SLC2A13: variants seen among roughly 807,000 people sequenced by gnomAD.
SLC2A13 encodes the protein solute carrier family 2 member 13.
A neutral mutation model predicts 64.4 loss-of-function variants in SLC2A13; 32 were observed. The observed-to-expected ratio is 0.50, with a 90% CI of 0.37 to 0.67. The LOEUF (loss-of-function observed/expected upper bound fraction) is 0.67, where lower values mean the gene tolerates loss of function less well. Among genes scored for constraint, SLC2A13 ranks in the 30% least tolerant of loss-of-function variants. The probability of loss-of-function intolerance (pLI) is 0.00; values close to 1 mark genes in which losing one functional copy is unlikely to be tolerated. For missense variants in SLC2A13, 743 were observed against 829.2 expected (o/e 0.90, Z 1.28); for synonymous variants, 338 against 327.1 (o/e 1.03, Z -0.36).
At chr12:39,977,506 T>C (rs1383102832) in intron 3 of SLC2A13, among the ~76,000 whole-genome samples, 3 of 152,226 alleles carry the variant, frequency 2.0e-5, no homozygotes, top group African/African-American at 7.2e-5. Flanking sequence ...TCTCATTACA[T>C]CAAGAACGGT....
chr12:40,105,391 C>G lies in SLC2A13; in HGVS notation c.418G>C (p.Ala140Pro). The change falls in exon 1 of 10, where the codon GCC (alanine) becomes CCC (proline). Residue 140 changes from alanine (A) to proline (P), a missense_variant. By Grantham distance (27) the Ala-to-Pro change is conservative (BLOSUM62 -1). Coordinates refer to ENST00000280871, the MANE Select transcript of SLC2A13 (RefSeq NM_052885.4). This position sits in a 1 kb window ranked among gnomAD's most constrained non-coding sequence, Gnocchi z 4.2. ...CGGCGGCCGAAGACGCCGTTGAGGGCGCCTCCGGCCAGCGCCGAGACGGCA... is the reference window on the plus strand; with the variant it reads ...CGGCGGCCGAAGACGCCGTTGAGGGGGCCTCCGGCCAGCGCCGAGACGGCA... ...AAAVSALAGG[A>P]LNGVFGRRAA... is the part of the protein sequence containing the mutation. 1 of 1,558,268 alleles carries G rather than the reference C, an allele frequency of 6.4e-7. No individual in the cohort carries two copies. Among genetic ancestry groups the G allele is most frequent in the Non-Finnish European group, 8.7e-7 (1 of 1,152,544 alleles).
chr12:39,840,633 C>A (rs1385177759), intron 6 of SLC2A13, among the ~76,000 whole-genome samples: 1 of 151,956 alleles, frequency 6.6e-6, no homozygotes, highest in Non-Finnish European at 1.5e-5. Flanking sequence ...TCCTTTGCTT[C>A]AAGACTCATG....
chr12:39,858,692 C>T (rs571549047), intron 6 of SLC2A13, among the ~76,000 whole-genome samples: 1 of 152,202 alleles, frequency 6.6e-6, no homozygotes, highest in South Asian at 2.1e-4. Flanking sequence ...CTGCAACCTC[C>T]GCCTCCCAGG....
chr12:39,915,348 A>G (rs1945505208), intron 4 of SLC2A13, among the ~76,000 whole-genome samples: 1 of 152,030 alleles, frequency 6.6e-6, no homozygotes. Context: ...AAGTGAGTTA[A>G]CAGTGGCAGG....
chr12:39,901,827 C>G (rs1422443098), intron 4 of SLC2A13, among the ~76,000 whole-genome samples: 1 of 146,264 alleles, frequency 6.8e-6, no homozygotes, highest in African/African-American at 2.5e-5. Flanking sequence ...TTTGACCCAG[C>G]CATCCCATTA....
chr12:40,027,317 T>TA (rs1052763821), intron 3 of SLC2A13, among the ~76,000 whole-genome samples: 16 of 151,964 alleles, frequency 1.1e-4, no homozygotes, highest in Non-Finnish European at 1.6e-4. Flanking sequence ...CAAAAAGCGT[T>TA]AAAAAAAATG....
At chr12:40,066,359 T>C (rs1259301890) in intron 1 of SLC2A13, among the ~76,000 whole-genome samples, 5 of 152,162 alleles carry the variant, frequency 3.3e-5, no homozygotes, top group African/African-American at 4.8e-5. Flanking sequence ...TAAAGGAAAA[T>C]TGAGTAGTAC....
chr12:40,021,488 A>G (rs1310403343), intron 3 of SLC2A13, among the ~76,000 whole-genome samples: 8 of 152,232 alleles, frequency 5.3e-5, no homozygotes, highest in Admixed American at 5.2e-4. Flanking sequence ...ACAGCTTAAC[A>G]TAAGGATTGA....
At chr12:39,836,342 A>G (rs1943003151) in intron 6 of SLC2A13, among the ~76,000 whole-genome samples, 1 of 152,108 alleles carries the variant, frequency 6.6e-6, no homozygotes, top group African/African-American at 2.4e-5. Flanking sequence ...TTAGAACCAA[A>G]TGGTTCTTTT....
At chr12:40,028,247 CAAAT>C (rs1947851447) in intron 3 of SLC2A13, 50 bp downstream of exon 3, 2 of 1,323,230 alleles carry the variant, frequency 1.5e-6, no homozygotes, top group Non-Finnish European at 1.0e-6. Context: ...AAAATAATGA[CAAAT>C]AAGACCACTG....
At chr12:39,886,574 T>C (rs1470462159) in intron 4 of SLC2A13, among the ~76,000 whole-genome samples, 1 of 152,090 alleles carries the variant, frequency 6.6e-6, no homozygotes, top group Admixed American at 6.6e-5. Context: ...TTCTGAAAAA[T>C]AGAAAGAATT....
chr12:39,892,916 A>G (rs1944647653), intron 4 of SLC2A13, among the ~76,000 whole-genome samples: 2 of 152,216 alleles, frequency 1.3e-5, no homozygotes, highest in Admixed American at 1.3e-4. Context: ...ATGTTAGCAA[A>G]GAAAAAAAGC....
chr12:39,925,536 CT>C (rs1945710909), intron 4 of SLC2A13, among the ~76,000 whole-genome samples: 2 of 152,178 alleles, frequency 1.3e-5, no homozygotes. Flanking sequence ...ATATTAACAT[CT>C]TCCACCTGCA....
At chr12:39,969,948 C>A (rs1296557607) in intron 3 of SLC2A13, among the ~76,000 whole-genome samples, 1 of 152,210 alleles carries the variant, frequency 6.6e-6, no homozygotes, top group Non-Finnish European at 1.5e-5. Flanking sequence ...ACATGTAAGT[C>A]TTTAATCCAT....
intron 1 of SLC2A13, among the ~76,000 whole-genome samples, chr12:40,071,225 ATTC>A (rs967385086): frequency 4.5e-4 from 68 of 152,118 alleles, no homozygotes; most frequent in African/African-American, 1.6e-3. Flanking sequence ...CTTTTTAGTT[ATTC>A]TTCTTATTTT....
intron 9 of SLC2A13, among the ~76,000 whole-genome samples, chr12:39,760,705 C>G (rs1257447511): frequency 6.6e-6 from 1 of 151,948 alleles, no homozygotes; most frequent in African/African-American, 2.4e-5. Flanking sequence ...TTTCCCTCCA[C>G]TAGAATGTAA....
chr12:39,968,736 T>TTTTGTG, intron 3 of SLC2A13, among the ~76,000 whole-genome samples: 1 of 141,818 alleles, frequency 7.1e-6, no homozygotes. Context: ...GCCCTTTCTT[T>TTTTGTG]TTTATTTTTG....
chr12:40,103,420 A>G (rs1156603482), intron 1 of SLC2A13, among the ~76,000 whole-genome samples: 2 of 152,214 alleles, frequency 1.3e-5, no homozygotes, highest in Non-Finnish European at 2.9e-5. Context: ...TATAAAGCTT[A>G]GCAAGTTCTA....
At chr12:39,774,679 T>A (rs1940711165) in intron 7 of SLC2A13, among the ~76,000 whole-genome samples, 1 of 152,100 alleles carries the variant, frequency 6.6e-6, no homozygotes, top group Non-Finnish European at 1.5e-5. Context: ...TACTATTATT[T>A]TCTAATAAAA....
Sources: gnomAD v4.1 joint callset for allele counts (sites outside exome capture counted in the v4.1 genomes callset) on GRCh38, gnomAD v4.1.1 for gene constraint, Gnocchi (gnomAD v3.1) non-coding constraint, MANE v1.5 for transcripts, NCBI Gene and HGNC (gene_info 2026-07-23, HGNC 2026-07-21) for gene names.